The following ECM2 variants were observed in gnomAD, a reference collection of about 807,000 sequenced individuals.
ECM2 encodes extracellular matrix protein 2, also known as extracellular matrix protein 2, female organ and adipocyte specific.
Under a neutral mutation model 67.5 loss-of-function variants are expected in ECM2, and 57 were observed. The ratio of observed to expected loss-of-function variants is 0.84; its 90% CI spans 0.68 to 1.05. ECM2 has a LOEUF of 1.05. Ranked by LOEUF, ECM2 falls within the 50% of genes least tolerant of loss-of-function variation. ECM2 has a pLI of 0.00. For synonymous variants in ECM2, 258 were observed against 294.5 expected, an observed-to-expected ratio of 0.88 and a Z score of 1.27; for missense variants, 741 against 822.8, an observed-to-expected ratio of 0.90 and a Z score of 1.22.
At chr9:92,507,100 A>G (rs1847053727) in intron 6 of ECM2, among the ~76,000 whole-genome samples, 1 of 152,032 alleles carries the variant, frequency 6.6e-6, no homozygotes, top group Non-Finnish European at 1.5e-5. Flanking sequence ...TGCACCCTGG[A>G]CAACAACGTC....
At chr9:92,532,153 A>C (rs1338013266) in intron 1 of ECM2, among the ~76,000 whole-genome samples, 1 of 147,208 alleles carries the variant, frequency 6.8e-6, no homozygotes, top group East Asian at 2.0e-4. Context: ...GAACTACCAC[A>C]CCCGGCTCGA....
chr9:92,524,275 CTCTT>C (rs1848257154), intron 1 of ECM2, among the ~76,000 whole-genome samples: 1 of 152,134 alleles, frequency 6.6e-6, no homozygotes, highest in Admixed American at 6.6e-5. Context: ...GGAAGAGTAA[CTCTT>C]TAATTAGCTG....
At chr9:92,553,519 T>C in the ECM2 span, among the ~76,000 whole-genome samples, 1 of 152,196 alleles carries the variant, frequency 6.6e-6, no homozygotes, top group Non-Finnish European at 1.5e-5. Context: ...TCCACAATAT[T>C]GATTCTACCC....
At chr9:92,546,486 A>C in the ECM2 span, among the ~76,000 whole-genome samples, 1 of 152,146 alleles carries the variant, frequency 6.6e-6, no homozygotes, top group Non-Finnish European at 1.5e-5. Flanking sequence ...CCACGAACCC[A>C]CTGGGAGAAA....
chr9:92,541,408 C>G (rs1289950834), upstream of ECM2, among the ~76,000 whole-genome samples: 3 of 92,568 alleles, frequency 3.2e-5, no homozygotes, highest in East Asian at 7.9e-4. Flanking sequence ...CTGCCACCCC[C>G]CTTCCCCCTC....
intron 5 of ECM2, 44 bp downstream of exon 5, chr9:92,511,967 G>T: frequency 7.0e-7 from 1 of 1,438,136 alleles, no homozygotes; most frequent in Non-Finnish European, 9.6e-7. Flanking sequence ...GCAAGTCATA[G>T]TGAAGCCATT....
At chr9:92,533,321 A>C (rs1563991344) in intron 1 of ECM2, among the ~76,000 whole-genome samples, 2 of 100,766 alleles carry the variant, frequency 2.0e-5, no homozygotes, top group African/African-American at 3.8e-5. Context: ...AAAAAAAAAA[A>C]AAAAAAAATA....
At chr9:92,522,278 G>A (rs1237994526) in intron 2 of ECM2, among the ~76,000 whole-genome samples, 2 of 152,126 alleles carry the variant, frequency 1.3e-5, no homozygotes, top group South Asian at 4.2e-4. Flanking sequence ...AGTAGAGACG[G>A]GGTTTCAACA....
intron 1 of ECM2, among the ~76,000 whole-genome samples, chr9:92,532,161 C>T (rs767747813): frequency 5.3e-5 from 8 of 150,854 alleles, no homozygotes; most frequent in Non-Finnish European, 7.4e-5. Flanking sequence ...ACACCCGGCT[C>T]GAAGATACAA....
intron 1 of ECM2, among the ~76,000 whole-genome samples, chr9:92,524,722 C>T (rs1474746121): frequency 6.6e-6 from 1 of 152,174 alleles, no homozygotes; most frequent in Non-Finnish European, 1.5e-5. Context: ...CATAAGAACC[C>T]AGATCACAAC....
chr9:92,500,766 T>A lies in ECM2; in HGVS notation c.1892A>T (p.Lys631Ile), dbSNP rs774424324. 6.2e-7 allele frequency: 1 copy of A among 1,613,878 alleles called. No homozygotes were observed. The highest frequency in any genetic ancestry group is 1.1e-5 in the South Asian group (1 of 91,060). ...KSIPPGIQEM[K>I]ALHFLRLNNN... ...GTTCAGCCTCAGAAAATGTAGTGCT[T>A]TCATTTCTTGTATCCCAGGTGGTAT... is the stretch of plus-strand genomic sequence containing the variant. The change falls in exon 9 of 10, where the codon AAA becomes ATA. Residue 631 changes from lysine to isoleucine, a missense_variant. By Grantham distance (102) the Lys-to-Ile change is moderately radical. Coordinates refer to ENST00000344604, the MANE Select transcript of ECM2 (RefSeq NM_001393.4).
the ECM2 span, among the ~76,000 whole-genome samples, chr9:92,552,298 T>G: frequency 6.6e-6 from 1 of 152,028 alleles, no homozygotes; most frequent in Non-Finnish European, 1.5e-5. Context: ...TGTGCTGCTA[T>G]AAACATGCAT....
At chr9:92,557,712 G>A in the ECM2 span, among the ~76,000 whole-genome samples, 8 of 152,074 alleles carry the variant, frequency 5.3e-5, no homozygotes, top group Non-Finnish European at 1.0e-4. Context: ...GCACGATCTC[G>A]TCTCACTGCA....
intron 9 of ECM2, 116 bp downstream of exon 9, chr9:92,500,611 C>T (rs1215606362): frequency 9.5e-7 from 1 of 1,051,354 alleles, no homozygotes; most frequent in East Asian, 2.5e-5. Flanking sequence ...TAATCCAACC[C>T]CTTAGCACCA....
At chr9:92,550,705 A>G in the ECM2 span, among the ~76,000 whole-genome samples, 1 of 152,192 alleles carries the variant, frequency 6.6e-6, no homozygotes, top group African/African-American at 2.4e-5. Context: ...CTAAATGTGT[A>G]AAAGTTACAC....
chr9:92,497,846 C>T lies in ECM2; in HGVS notation c.1932-1363G>A, dbSNP rs116684829. On this transcript the variant is annotated intron_variant, in intron 9 of 9. Coordinates refer to ENST00000344604, the MANE Select transcript of ECM2 (RefSeq NM_001393.4). ...TCAGGGGAGTGAGTAAGTTCTTGTT[C>T]TATTAATTCCCATAAGAGCTGGTTG... Among the ~76,000 whole-genome samples the T allele has an allele frequency of 7.1e-4, 101 of 141,446 alleles. 1 individual carries two copies. Among genetic ancestry groups the T allele is most frequent in the African/African-American group, 2.6e-3 (99 of 37,648 alleles). The allele number at this position is 141,446 out of a possible 152,430, so 92.8% of individuals were successfully genotyped here.
rs1468939078 is a variant in ECM2 at position 92,512,139 on chromosome 9, G to A, written c.1055-13C>T. 1 of 1,597,852 alleles carries A rather than the reference G, an allele frequency of 6.3e-7. No homozygotes were observed. On this transcript the variant is annotated splice_polypyrimidine_tract_variant and intron_variant, in intron 4 of 9. Coordinates refer to ENST00000344604, the MANE Select transcript of ECM2 (RefSeq NM_001393.4). ...GCGATGGAATTGCCTAGGACACACA[G>A]CGGTTATGTTTTAGGCATGTGTGCA...
At chr9:92,501,106 A>G (rs752980805) in intron 8 of ECM2, 53 bp from the exon 9 acceptor site, 6 of 1,558,410 alleles carry the variant, frequency 3.9e-6, no homozygotes, top group Non-Finnish European at 5.2e-6. Context: ...GGTGATCATC[A>G]GCTCTAAATT....
chr9:92,522,840 A>C lies in ECM2; in HGVS notation c.27T>G (p.Phe9Leu). 6.2e-7 allele frequency: 1 copy of C among 1,606,558 alleles called. No individual in the cohort carries two copies. The highest frequency in any genetic ancestry group is 8.5e-7 in the Non-Finnish European group (1 of 1,178,258). The change falls in exon 2 of 10, where the codon TTT becomes TTG. Residue 9 changes from phenylalanine to leucine, a missense_variant. By Grantham distance (22) the Phe-to-Leu change is conservative. Transcript: ENST00000344604. ...CAGTTTGAAAAATGATAAGCAGAAA[A>C]AAACAAAACAAAACTGCAATCTTCA... Reference protein sequence around the residue: MKIAVLFCFFLLIIFQTDF... With the variant: MKIAVLFCLFLLIIFQTDF...
Sources: allele counts gnomAD v4.1 joint callset (sites outside exome capture counted in the v4.1 genomes callset), GRCh38; gene constraint gnomAD v4.1.1; transcripts MANE v1.5; gene names NCBI Gene and HGNC (gene_info 2026-07-23, HGNC 2026-07-21).